Variants in EMB observed in about 807,000 individuals in gnomAD.
EMB encodes embigin homolog.
EMB carries 31 observed loss-of-function variants against 41.4 expected under a neutral mutation model. The ratio of observed to expected loss-of-function variants is 0.75; its 90% CI spans 0.56 to 1.01. The LOEUF (loss-of-function observed/expected upper bound fraction) is 1.01. Among genes scored for constraint, EMB ranks in the 50% least tolerant of loss-of-function variants. The probability of loss-of-function intolerance (pLI) is 0.00; values close to 1 mark genes in which losing one functional copy is unlikely to be tolerated. For synonymous variants in EMB, 137 were observed against 140.4 expected (o/e 0.98, Z 0.17); for missense variants, 379 against 388.3 (o/e 0.98, Z 0.20).
At chr5:50,423,129 C>CAATATGACT (rs1745552936) in intron 2 of EMB, among the ~76,000 whole-genome samples, 1 of 150,586 alleles carries the variant, frequency 6.6e-6, no homozygotes, top group Non-Finnish European at 1.5e-5. Context: ...GATTCATATG[C>CAATATGACT]AATATGACTA....
chr5:50,410,331 T>C (rs548611845), intron 4 of EMB, among the ~76,000 whole-genome samples: 1 of 152,262 alleles, frequency 6.6e-6, no homozygotes, highest in Admixed American at 6.6e-5. Context: ...CAGTAAAATA[T>C]TTTAATTCGT....
chr5:50,425,456 T>G (rs1745594133), intron 2 of EMB, among the ~76,000 whole-genome samples: 1 of 151,672 alleles, frequency 6.6e-6, no homozygotes, highest in African/African-American at 2.4e-5. Flanking sequence ...TGTTAAACTA[T>G]AACACACTGA....
At chr5:50,429,908 TTC>T (rs1178961180) in intron 1 of EMB, among the ~76,000 whole-genome samples, 1 of 149,504 alleles carries the variant, frequency 6.7e-6, no homozygotes, top group Admixed American at 6.7e-5. Context: ...ATCACCCTCC[TTC>T]TCTGTCTTTT....
At chr5:50,437,533 T>A (rs1745824859) in intron 1 of EMB, among the ~76,000 whole-genome samples, 1 of 152,208 alleles carries the variant, frequency 6.6e-6, no homozygotes, top group South Asian at 2.1e-4. Context: ...TGAATTCCCA[T>A]ATTATTAAAT....
rs762561357 is a variant in EMB, at chr5:50,411,301, A to G, written c.279T>C (p.Ser93=). 23 of 1,613,004 alleles carry G rather than the reference A, an allele frequency of 1.4e-5. No homozygotes were observed. The highest frequency in any genetic ancestry group is 2.0e-5 in the Non-Finnish European group (23 of 1,179,468). The change falls in exon 3 of 9, where the codon TCT becomes TCC. Residue 93 remains serine (S), a synonymous_variant. Coordinates refer to ENST00000303221, the MANE Select transcript of EMB (RefSeq NM_198449.3). ...NVNLTCQFTT[S]GDLNAVNVTW... ...TCACATTTACTGCATTCAAATCCCC[A>G]GATGTTGTGAACTGGCATGTGAGAT...
intron 1 of EMB, among the ~76,000 whole-genome samples, chr5:50,433,122 T>C (rs1456522285): frequency 6.6e-6 from 1 of 152,090 alleles, no homozygotes; most frequent in African/African-American, 2.4e-5. Flanking sequence ...TGGGAACATT[T>C]ATAAGTCAGA....
chr5:50,434,962 G>A (rs1332466847), intron 1 of EMB, among the ~76,000 whole-genome samples: 1 of 152,156 alleles, frequency 6.6e-6, no homozygotes, highest in African/African-American at 2.4e-5. Flanking sequence ...CAAAGTTAAT[G>A]TGAAAAGATT....
chr5:50,440,295 A>T (rs1319766103), intron 1 of EMB, among the ~76,000 whole-genome samples: 2 of 152,110 alleles, frequency 1.3e-5, no homozygotes, highest in East Asian at 3.9e-4. Flanking sequence ...GCACTTTGGG[A>T]GGCCGAAGCG....
chr5:50,403,544 C>T (rs1745202011), intron 5 of EMB, 90 bp from the exon 6 acceptor site: 2 of 1,367,666 alleles, frequency 1.5e-6, no homozygotes, highest in East Asian at 4.6e-5. Context: ...AAGATAATGC[C>T]AACAATATTG....
rs534244205 is a variant in EMB at position 50,396,229 on chromosome 5, T to A, written c.*3044A>T. 1 of 152,302 alleles carries A rather than the reference T, an allele frequency of 6.6e-6. No individual in the cohort carries two copies. Among genetic ancestry groups the A allele is most frequent in the Middle Eastern group, 3.4e-3 (1 of 294 alleles). The allele number at this position is 152,302 out of a possible 1,614,324, so 9.4% of individuals were successfully genotyped here. ...AGCTTGTTTTTCTTTATTAGAATAC[T>A]TTTTTCAATTCTGATTTGTCACAAT... On this transcript the variant is annotated 3_prime_UTR_variant, in exon 9 of 9. Transcript: ENST00000303221.
chr5:50,428,693 G>T, intron 1 of EMB: 2 of 985,086 alleles, frequency 2.0e-6, no homozygotes, highest in Non-Finnish European at 2.4e-6. Context: ...AGATAAAATG[G>T]CTGACGGGCC....
At chr5:50,426,902 A>G (rs1579739175) in intron 2 of EMB, among the ~76,000 whole-genome samples, 1 of 151,440 alleles carries the variant, frequency 6.6e-6, no homozygotes, top group Admixed American at 6.6e-5. Flanking sequence ...AAAAAAGAAA[A>G]AAAAAAAAAA....
At chr5:50,428,044 G>T in intron 2 of EMB, 100 bp downstream of exon 2, 1 of 765,088 alleles carries the variant, frequency 1.3e-6, no homozygotes, top group South Asian at 1.7e-5. Flanking sequence ...CCAGGAACAG[G>T]GATTACCACT....
rs1205685681 is a variant in EMB at position 50,405,579 on chromosome 5, G to A, written c.600+146C>T. 6 of 1,194,280 alleles carry A rather than the reference G, an allele frequency of 5.0e-6. No homozygotes were observed. In the African/African-American group the frequency reaches 8.0e-5, roughly 16 times the overall value. The allele number at this position is 1,194,280 out of a possible 1,614,324, so 74.0% of individuals were successfully genotyped here. Reference sequence around the variant, plus strand: ...TCAAATGACAACTCTGTTTGTCACTGCTCTTTCTTTATGAACATAAGCTAA... The same window carrying A: ...TCAAATGACAACTCTGTTTGTCACTACTCTTTCTTTATGAACATAAGCTAA... On this transcript the variant is annotated intron_variant, in intron 5 of 8. Coordinates refer to ENST00000303221, the MANE Select transcript of EMB (RefSeq NM_198449.3).
intron 2 of EMB, among the ~76,000 whole-genome samples, chr5:50,421,595 C>T (rs539186687): frequency 2.0e-5 from 3 of 152,104 alleles, no homozygotes; most frequent in African/African-American, 7.2e-5. Flanking sequence ...TACATGCACA[C>T]GTATGTTTAT....
chr5:50,411,979 A>G (rs907252995), intron 2 of EMB: 5 of 152,118 alleles, frequency 3.3e-5, no homozygotes, highest in African/African-American at 9.7e-5. Flanking sequence ...CTGAATTTCA[A>G]TATCAGTATG....
chr5:50,429,999 T>A (rs34967505), intron 1 of EMB, among the ~76,000 whole-genome samples: 5,365 of 119,042 alleles, frequency 0.045, 322 homozygotes, highest in African/African-American at 0.15. Flanking sequence ...TCTCTCTCTC[T>A]CTCTCTCACA....
chr5:50,438,994 C>G (rs1279468246), intron 1 of EMB, among the ~76,000 whole-genome samples: 2 of 151,012 alleles, frequency 1.3e-5, no homozygotes, highest in Non-Finnish European at 2.9e-5. Context: ...AGTGCACTGT[C>G]TAGGCCATAT....
intron 2 of EMB, among the ~76,000 whole-genome samples, chr5:50,422,058 G>A (rs1460087081): frequency 4.0e-5 from 6 of 151,884 alleles, no homozygotes; most frequent in Non-Finnish European, 7.4e-5. Context: ...AAAAAAAGAA[G>A]TGCATGTGAA....
Sources: gnomAD v4.1 joint callset for allele counts (sites outside exome capture counted in the v4.1 genomes callset) on GRCh38, gnomAD v4.1.1 for gene constraint, MANE v1.5 for transcripts, NCBI Gene and HGNC (gene_info 2026-07-23, HGNC 2026-07-21) for gene names.